COBL: variants seen among roughly 807,000 people sequenced by gnomAD.
COBL encodes cordon-bleu WH2 repeat protein.
COBL carries 51 observed loss-of-function variants against 98.8 expected under a neutral mutation model. The ratio of observed to expected loss-of-function variants is 0.52; its 90% CI spans 0.41 to 0.65. The LOEUF (loss-of-function observed/expected upper bound fraction) is 0.65. Among genes scored for constraint, COBL ranks in the 30% least tolerant of loss-of-function variants. The probability of loss-of-function intolerance (pLI) is 0.00; values close to 1 mark genes in which losing one functional copy is unlikely to be tolerated. For synonymous variants in COBL, 634 were observed against 651.7 expected (o/e 0.97, Z 0.41); for missense variants, 1,617 against 1,617.5 (o/e 1.00, Z 0.01).
intron 1 of COBL, among the ~76,000 whole-genome samples, chr7:51,308,128 C>G (rs923398250): frequency 7.9e-5 from 12 of 152,188 alleles, no homozygotes; most frequent in Admixed American, 7.9e-4. Flanking sequence ...TGGCTGCTGT[C>G]GATCAGTCTC....
chr7:51,253,928 T>C (rs1796968601), intron 1 of COBL, among the ~76,000 whole-genome samples: 1 of 152,370 alleles, frequency 6.6e-6, no homozygotes, highest in East Asian at 1.9e-4. Flanking sequence ...TCAATTTTGA[T>C]GCTATTCTGT....
intron 1 of COBL, among the ~76,000 whole-genome samples, chr7:51,312,024 T>G (rs900077825): frequency 2.0e-5 from 3 of 151,928 alleles, no homozygotes; most frequent in Non-Finnish European, 2.9e-5. Flanking sequence ...AAACACCATA[T>G]AATAAATACA....
At chr7:51,307,903 G>A (rs1040377962) in intron 1 of COBL, among the ~76,000 whole-genome samples, 2 of 152,236 alleles carry the variant, frequency 1.3e-5, no homozygotes, top group African/African-American at 4.8e-5. Flanking sequence ...TCTTGTGAGA[G>A]ATCTGCAATT....
chr7:51,154,491 C>T (rs2129027016), intron 5 of COBL, among the ~76,000 whole-genome samples: 1 of 152,308 alleles, frequency 6.6e-6, no homozygotes, highest in Middle Eastern at 3.4e-3. Context: ...CATGACTGTA[C>T]TTCAATAAAA....
At chr7:51,034,761 GCC>G (rs1788467367) in intron 8 of COBL, 2 of 152,162 alleles carry the variant, frequency 1.3e-5, no homozygotes, top group Non-Finnish European at 2.9e-5. Flanking sequence ...AAGTAAACCT[GCC>G]CAGATGTTTT....
chr7:51,098,692 T>C (rs1037270314), intron 6 of COBL, among the ~76,000 whole-genome samples: 1 of 152,026 alleles, frequency 6.6e-6, no homozygotes, highest in Non-Finnish European at 1.5e-5. Flanking sequence ...TATGACATTC[T>C]ATTTGGCAAT....
chr7:51,189,992 C>G (rs1478573582), intron 4 of COBL, among the ~76,000 whole-genome samples: 2 of 152,182 alleles, frequency 1.3e-5, no homozygotes, highest in Non-Finnish European at 2.9e-5. Flanking sequence ...TGGCCTCATA[C>G]TAAAAGCCAG....
intron 6 of COBL, among the ~76,000 whole-genome samples, chr7:51,123,790 C>T (rs1214062466): frequency 2.6e-5 from 4 of 152,192 alleles, no homozygotes; most frequent in Non-Finnish European, 5.9e-5. Context: ...GTTGAAGTGA[C>T]TCATTGCAGT....
intron 7 of COBL, chr7:51,073,243 G>T: frequency 1.8e-6 from 1 of 553,392 alleles, no homozygotes; most frequent in South Asian, 2.4e-5. Context: ...GGTATACAAT[G>T]AGCCCTTTTA....
chr7:51,229,568 C>A (rs2129102341), intron 1 of COBL, among the ~76,000 whole-genome samples: 1 of 152,316 alleles, frequency 6.6e-6, no homozygotes, highest in South Asian at 2.1e-4. Flanking sequence ...TCCCGGAGAG[C>A]CAAGTCAGCT....
At chr7:51,217,340 C>CTTTTT (rs937958755) in intron 2 of COBL, among the ~76,000 whole-genome samples, 5,969 of 127,440 alleles carry the variant, frequency 0.047, 164 homozygotes, top group Middle Eastern at 0.09. Flanking sequence ...TTTTCTTTTT[C>CTTTTT]TTTTTTTTTT....
chr7:51,224,931 TGGGCGGCCCGTGCATGCGG>T lies in COBL; in HGVS notation c.42-5006_42-4988del, dbSNP rs552188617. Among the ~76,000 whole-genome samples the T allele has an allele frequency of 6.8e-3, 1,037 of 152,168 alleles. 13 individuals carry two copies. Among genetic ancestry groups the T allele is most frequent in the African/African-American group, 0.024 (979 of 41,506 alleles). On this transcript the variant is annotated intron_variant, in intron 1 of 12. Transcript: ENST00000265136. ...CCTGCATGTGGGTGACCTGTGCGTG[TGGGCGGCCCGTGCATGCGG>T]GGGCGGCCCGTGCATGTGGGCAGGC...
At chr7:51,261,220 C>A (rs1387537838) in intron 1 of COBL, among the ~76,000 whole-genome samples, 1 of 152,248 alleles carries the variant, frequency 6.6e-6, no homozygotes, top group Non-Finnish European at 1.5e-5. Context: ...CCATCCAAAA[C>A]GGCAGCCTTT....
rs934291636 is a variant in COBL, at chr7:51,307,413, C to G, written c.41+9180G>C. Among the ~76,000 whole-genome samples, 14 of 152,102 alleles carry G rather than the reference C, an allele frequency of 9.2e-5. No individual in the cohort carries two copies. In the East Asian group the frequency reaches 2.5e-3, roughly 27 times the overall value. On this transcript the variant is annotated intron_variant, in intron 1 of 12. Coordinates refer to ENST00000265136, the MANE Select transcript of COBL (RefSeq NM_015198.5). ...GAGGACAGTACTGTCCTACCAACAT[C>G]AGAGGGCCCTGATGGGAGAGCCAGA...
At chr7:51,158,940 G>A (rs1295962638) in intron 5 of COBL, among the ~76,000 whole-genome samples, 2 of 152,074 alleles carry the variant, frequency 1.3e-5, no homozygotes, top group Non-Finnish European at 2.9e-5. Context: ...GGGTGCAGGG[G>A]CTGTGTGGGC....
At chr7:51,121,177 G>A (rs757485516) in intron 6 of COBL, among the ~76,000 whole-genome samples, 3 of 152,094 alleles carry the variant, frequency 2.0e-5, no homozygotes, top group Non-Finnish European at 4.4e-5. Context: ...CCCCGCCAAC[G>A]CATCTTTTCT....
chr7:51,270,150 C>G (rs943520905), intron 1 of COBL, among the ~76,000 whole-genome samples: 1 of 152,180 alleles, frequency 6.6e-6, no homozygotes, highest in African/African-American at 2.4e-5. Context: ...AATCTGGACA[C>G]CTGTCTGAGC....
intron 5 of COBL, among the ~76,000 whole-genome samples, chr7:51,176,993 A>G (rs1788434614): frequency 6.6e-6 from 1 of 152,252 alleles, no homozygotes; most frequent in Non-Finnish European, 1.5e-5. Flanking sequence ...AAAATAAAAT[A>G]GAAATATTTT....
In COBL at chr7:51,085,082, C is replaced by G. The variant is rs1794070274; in HGVS notation, c.1096+84G>C. 7.5e-6 allele frequency: 12 copies of G among 1,595,646 alleles called. 1 individual carries two copies. In the South Asian group the frequency reaches 1.3e-4, roughly 18 times the overall value. On this transcript the variant is annotated intron_variant, in intron 7 of 12. Transcript: ENST00000265136. ...GGGTTAATGTCATTATGGATGAGGCCACTGCAGGAGTTCACATCAGAGCTG... is the reference window on the plus strand; with the variant it reads ...GGGTTAATGTCATTATGGATGAGGCGACTGCAGGAGTTCACATCAGAGCTG...
Sources: allele counts gnomAD v4.1 joint callset (sites outside exome capture counted in the v4.1 genomes callset), GRCh38; gene constraint gnomAD v4.1.1; transcripts MANE v1.5; gene names NCBI Gene and HGNC (gene_info 2026-07-23, HGNC 2026-07-21).